The following TUT4 variants were observed in gnomAD, a reference collection of about 807,000 sequenced individuals.
TUT4 encodes terminal uridylyl transferase 4, also known as terminal uridylyltransferase 4.
In TUT4, 36 loss-of-function variants were observed where a neutral mutation model predicts 192.2. That is an observed-to-expected ratio of 0.19 (90% CI 0.14 to 0.25). TUT4 has a LOEUF of 0.25. Among genes scored for constraint, TUT4 ranks in the 10% least tolerant of loss-of-function variants. The pLI is 1.00. For missense variants in TUT4, 1,493 were observed against 1,957.2 expected (o/e 0.76, Z 4.47); for synonymous variants, 618 against 666.0 (o/e 0.93, Z 1.11).
intron 20 of TUT4, among the ~76,000 whole-genome samples, chr1:52,457,667 C>T (rs1661364584): frequency 6.6e-6 from 1 of 152,150 alleles, no homozygotes. Context: ...GAATTGGATC[C>T]TCCCTAACGC....
At chr1:52,506,988 G>C (rs1260246463) in intron 4 of TUT4, among the ~76,000 whole-genome samples, 1 of 152,096 alleles carries the variant, frequency 6.6e-6, no homozygotes, top group African/African-American at 2.4e-5. Flanking sequence ...AATATTTTAT[G>C]TAGGACCAGA....
At chr1:52,498,934 ATATATATATATATATATATATATATG>A (rs1673303909) in intron 4 of TUT4, among the ~76,000 whole-genome samples, 2 of 104,894 alleles carry the variant, frequency 1.9e-5, no homozygotes, top group African/African-American at 4.7e-5. Context: ...ATATATATAT[ATATATATATATATATATATATATATG>A]ACATTTTTCA....
At chr1:52,536,998 T>C (rs1685089513) in intron 1 of TUT4, among the ~76,000 whole-genome samples, 2 of 151,322 alleles carry the variant, frequency 1.3e-5, no homozygotes, top group African/African-American at 4.9e-5. Flanking sequence ...ACCCCGTCTC[T>C]ACTAACAAAA....
intron 1 of TUT4, among the ~76,000 whole-genome samples, chr1:52,527,098 T>C (rs541972017): frequency 6.6e-6 from 1 of 152,300 alleles, no homozygotes; most frequent in Admixed American, 6.5e-5. Context: ...TGGTAAAATC[T>C]TGCCCACAAG....
In TUT4 at chr1:52,425,439, C is replaced by T. The variant is rs1244369469; in HGVS notation, c.4780G>A (p.Val1594Ile). 1.9e-6 allele frequency: 3 copies of T among 1,613,762 alleles called. No homozygotes were observed. The highest frequency in any genetic ancestry group is 2.7e-5 in the African/African-American group (2 of 74,890). ...EHAPRPHFPL[V>I]PASWPYGLHQ... ...AAACCATAAGGCCACGAAGCTGGGA[C>T]AAGGGGGAAATGGGGACGCGGTGCA... Residue 1594 changes from valine to isoleucine, a missense_variant, in exon 29 of 30, where the codon GTC (valine) becomes ATC (isoleucine). Val to Ile is a conservative substitution (Grantham distance 29). Transcript: ENST00000257177.
At chr1:52,449,846 C>G (rs1200381179) in intron 20 of TUT4, among the ~76,000 whole-genome samples, 1 of 152,196 alleles carries the variant, frequency 6.6e-6, no homozygotes, top group Non-Finnish European at 1.5e-5. Context: ...TTTGACTACT[C>G]TAGGTACTTC....
chr1:52,533,561 A>C (rs780613166), intron 1 of TUT4, among the ~76,000 whole-genome samples: 9 of 152,102 alleles, frequency 5.9e-5, no homozygotes, highest in Non-Finnish European at 1.3e-4. Context: ...AGTTCCTTTC[A>C]CTATCATCCT....
intron 4 of TUT4, among the ~76,000 whole-genome samples, chr1:52,498,536 G>A (rs1360863990): frequency 4.0e-5 from 6 of 151,632 alleles, no homozygotes; most frequent in Non-Finnish European, 8.8e-5. Flanking sequence ...GAGCCACAGC[G>A]CCCGGCCGTT....
intron 4 of TUT4, among the ~76,000 whole-genome samples, chr1:52,503,468 T>C (rs1337323939): frequency 1.3e-5 from 2 of 152,208 alleles, no homozygotes; most frequent in Non-Finnish European, 2.9e-5. Context: ...GAGTCTATTC[T>C]CCTTTTATTT....
At chr1:52,510,317 CA>C (rs200690805) in intron 3 of TUT4, among the ~76,000 whole-genome samples, 5,358 of 78,460 alleles carry the variant, frequency 0.068, 176 homozygotes, top group African/African-American at 0.23. Context: ...TTCGTATTAA[CA>C]AAAAAAAAAA....
At chr1:52,501,324 T>C (rs1448422328) in intron 4 of TUT4, among the ~76,000 whole-genome samples, 3 of 150,680 alleles carry the variant, frequency 2.0e-5, no homozygotes, top group African/African-American at 4.9e-5. Flanking sequence ...TCCAAAGATA[T>C]ACAAATGCCA....
At chr1:52,545,057 CAA>C (rs1553238494) in intron 1 of TUT4, among the ~76,000 whole-genome samples, 14 of 90,126 alleles carry the variant, frequency 1.6e-4, no homozygotes, top group Non-Finnish European at 2.1e-4. Flanking sequence ...ACCTTGTCCC[CAA>C]AAAAAAAAAA....
intron 28 of TUT4, among the ~76,000 whole-genome samples, chr1:52,425,912 C>A (rs1402031492): frequency 6.6e-6 from 1 of 151,920 alleles, no homozygotes; most frequent in African/African-American, 2.4e-5. Context: ...TGTACAAAAG[C>A]CTGAAAGCAG....
At chr1:52,496,367 T>G (rs889535056) in intron 5 of TUT4, among the ~76,000 whole-genome samples, 1 of 152,140 alleles carries the variant, frequency 6.6e-6, no homozygotes, top group African/African-American at 2.4e-5. Flanking sequence ...ATAAATACTT[T>G]AAAAATTCCA....
intron 1 of TUT4, among the ~76,000 whole-genome samples, chr1:52,537,342 A>G (rs1269394956): frequency 3.3e-5 from 5 of 152,198 alleles, no homozygotes; most frequent in Admixed American, 6.5e-5. Context: ...CTAAATTATT[A>G]CCAGATAAAA....
intron 20 of TUT4, among the ~76,000 whole-genome samples, chr1:52,451,331 T>C (rs918374728): frequency 6.6e-6 from 1 of 151,982 alleles, no homozygotes; most frequent in African/African-American, 2.4e-5. Flanking sequence ...GCAGGCCTAA[T>C]TAATTTATGG....
intron 28 of TUT4, among the ~76,000 whole-genome samples, chr1:52,428,689 C>T (rs189482855): frequency 1.0e-4 from 15 of 147,976 alleles, no homozygotes; most frequent in African/African-American, 1.7e-4. Context: ...CTCAGCTATT[C>T]GGGAGGCAGG....
rs1681592036 is a variant in TUT4 at position 52,525,752 on chromosome 1, A to G, written c.529T>C (p.Leu177=). The stretch of plus-strand genomic sequence containing the variant: ...GGAATTTTTTTTCCAATCTGTTGTA[A>G]TTCTGTCTTCTGTCTCATGTCTTTC... ...LLKDMRQKTE[L]QQIGKKIPSS... is the part of the protein sequence containing the mutation. Residue 177 remains leucine (L), a synonymous_variant, in exon 2 of 30, where the codon TTA becomes CTA. Coordinates refer to ENST00000257177, the MANE Select transcript of TUT4 (RefSeq NM_001009881.3). 6.2e-7 allele frequency: 1 copy of G among 1,614,040 alleles called. No homozygotes were observed. Among genetic ancestry groups the G allele is most frequent in the Non-Finnish European group, 8.5e-7 (1 of 1,180,030 alleles).
intron 28 of TUT4, among the ~76,000 whole-genome samples, chr1:52,426,527 C>T (rs1401345707): frequency 6.6e-6 from 1 of 152,038 alleles, no homozygotes; most frequent in Non-Finnish European, 1.5e-5. Flanking sequence ...AGCAGGAACT[C>T]AAATTAAGTA....
Sources: gnomAD v4.1 joint callset for allele counts (sites outside exome capture counted in the v4.1 genomes callset) on GRCh38, gnomAD v4.1.1 for gene constraint, MANE v1.5 for transcripts, NCBI Gene and HGNC (gene_info 2026-07-23, HGNC 2026-07-21) for gene names.